The following NEB variants were observed in gnomAD, a reference collection of about 807,000 sequenced individuals.
The protein encoded by NEB is nebulin.
In NEB, 512 loss-of-function variants were observed where a neutral mutation model predicts 952.2. That is an observed-to-expected ratio of 0.54 (90% CI 0.50 to 0.58). NEB has a LOEUF of 0.58. Among genes scored for constraint, NEB ranks in the 20% least tolerant of loss-of-function variants. The probability of loss-of-function intolerance (pLI) is 0.00; values close to 1 mark genes in which losing one functional copy is unlikely to be tolerated. For missense variants in NEB, 8,428 were observed against 9,231.1 expected (o/e 0.91, Z 3.56); for synonymous variants, 2,900 against 3,149.8 (o/e 0.92, Z 2.66).
intron 28 of NEB, 147 bp from the exon 29 acceptor site, chr2:151,682,916 G>T (rs2148748016): frequency 3.0e-6 from 2 of 658,824 alleles, no homozygotes; most frequent in Non-Finnish European, 5.0e-6. Context: ...TATTTCTTTG[G>T]TGAGATATAG....
chr2:151,657,812 T>C (rs1207817957), intron 48 of NEB, among the ~76,000 whole-genome samples, 171 bp downstream of exon 48: 1 of 152,192 alleles, frequency 6.6e-6, no homozygotes, highest in Non-Finnish European at 1.5e-5. Context: ...GTTAGCTTGG[T>C]GTTTTTTCAG....
chr2:151,679,678 C>A, intron 32 of NEB, 43 bp downstream of exon 32: 1 of 879,324 alleles, frequency 1.1e-6, no homozygotes, highest in South Asian at 1.4e-5. Flanking sequence ...GCCCACCCAC[C>A]CACATTTTCT....
chr2:151,724,136 C>G lies in NEB; in HGVS notation c.612+124G>C, dbSNP rs918207499. 2.1e-5 allele frequency: 16 copies of G among 774,496 alleles called. No individual in the cohort carries two copies. In the East Asian group the frequency reaches 2.8e-4, roughly 14 times the overall value. 48.0% of individuals were successfully genotyped at this position (774,496 alleles called of 1,614,324 possible). The stretch of plus-strand genomic sequence containing the variant: ...CCTATCCCTGCAGTCTCACATGTCT[C>G]AAGGCTACTCATAAAAAGATTGGGG... On this transcript the variant is annotated intron_variant, in intron 8 of 181. Transcript: ENST00000397345.
chr2:151,725,926 A>T (rs1018199682), intron 5 of NEB, among the ~76,000 whole-genome samples: 1 of 152,226 alleles, frequency 6.6e-6, no homozygotes, highest in Non-Finnish European at 1.5e-5. Flanking sequence ...GAGTGCTAAT[A>T]CAATGCAAAA....
Position 151,672,388 on chromosome 2 carries a change from A to T in NEB, c.4280T>A (p.Val1427Asp). The T allele has an allele frequency of 6.2e-7, 1 of 1,600,794 alleles. No homozygotes were observed. Among genetic ancestry groups the T allele is most frequent in the Non-Finnish European group, 8.5e-7 (1 of 1,170,622 alleles). The change falls in exon 37 of 182, where the codon GTC (valine) becomes GAC (aspartate). Residue 1427 changes from valine to aspartate, a missense_variant. Physicochemically the swap from Val to Asp is radical, Grantham distance 152. Coordinates refer to ENST00000397345, the MANE Select transcript of NEB (RefSeq NM_001164508.2). ...DAMSLEHTRN[V>D]NQIQSDNVYK... The stretch of plus-strand genomic sequence containing the variant: ...ACTTACATCACTCTGAATTTGATTG[A>T]CATTCCTCGTATGCTCAAGACTCAT...
chr2:151,525,329 T>G, intron 150 of NEB, 56 bp from the exon 151 acceptor site: 1 of 1,295,554 alleles, frequency 7.7e-7, no homozygotes, highest in Non-Finnish European at 1.1e-6. Context: ...CAGAGTTGGT[T>G]TACTTGAAGA....
intron 168 of NEB, 110 bp downstream of exon 168, chr2:151,501,279 TAA>T: frequency 1.4e-6 from 1 of 707,312 alleles, no homozygotes; most frequent in Non-Finnish European, 2.4e-6. Context: ...TTGATGTGAT[TAA>T]AAAAAGATTT....
At chr2:151,576,115 CATT>C in intron 106 of NEB, 33 bp downstream of exon 106, 1 of 1,448,466 alleles carries the variant, frequency 6.9e-7, no homozygotes, top group Non-Finnish European at 9.5e-7. Context: ...CTATTTATGG[CATT>C]AATTCAATTT....
In NEB at chr2:151,576,215, T is replaced by C. The variant is rs749504940; in HGVS notation, c.16844A>G (p.Tyr5615Cys). ...TTCAGGTGTGTCAACAATGCTTGTG[T>C]ACTTAAGGTTCACCACAGGCGTCCG... ...VYRTPVVNLK[Y>C]TSIVDTPEVV... The change falls in exon 106 of 182, where the codon TAC becomes TGC. Residue 5615 changes from tyrosine to cysteine, a missense_variant. Tyr to Cys is a radical substitution (Grantham distance 194). Around this residue, in one of 11 missense-constraint regions of NEB, gnomAD observed 3,374 missense variants for 3,651.5 expected, o/e 0.92. Transcript: ENST00000397345. The C allele has an allele frequency of 6.2e-7, 1 of 1,611,466 alleles. No individual in the cohort carries two copies. The highest frequency in any genetic ancestry group is 8.5e-7 in the Non-Finnish European group (1 of 1,178,132).
chr2:151,552,458 G>A (rs971177664), intron 128 of NEB, among the ~76,000 whole-genome samples: 1 of 152,072 alleles, frequency 6.6e-6, no homozygotes, highest in African/African-American at 2.4e-5. Context: ...TCATAGACTC[G>A]CATCACCTAC....
Position 151,671,006 on chromosome 2 carries a change from G to T in NEB, c.4506+17C>A. ...TGGTTATTTACGGGCAAATCATTTT[G>T]AAAGGAAAGCACTCACATCACTTAG... On this transcript the variant is annotated intron_variant, in intron 38 of 181. Transcript: ENST00000397345. The T allele has an allele frequency of 6.2e-7, 1 of 1,607,510 alleles. No individual in the cohort carries two copies.
At position 151,716,101 on chromosome 2, in the gene NEB, G is replaced by A. The variant is rs558035288; in HGVS notation, c.822+1315C>T. On this transcript the variant is annotated intron_variant, in intron 10 of 181. Transcript: ENST00000397345. ...CAAAAAGATAAATTGTCCTTCTCCCGTCTTATTTACAATATCAACACTTTC... is the reference window on the plus strand; with the variant it reads ...CAAAAAGATAAATTGTCCTTCTCCCATCTTATTTACAATATCAACACTTTC... The A allele has an allele frequency of 2.4e-4, 96 of 405,954 alleles. 1 individual carries two copies. The highest frequency in any genetic ancestry group is 2.3e-4 in the East Asian group (3 of 12,800). 25.1% of individuals were successfully genotyped at this position (405,954 alleles called of 1,614,324 possible).
intron 3 of NEB, among the ~76,000 whole-genome samples, chr2:151,731,567 T>C (rs1348650443): frequency 6.6e-6 from 1 of 152,200 alleles, no homozygotes; most frequent in Non-Finnish European, 1.5e-5. Context: ...CAATACTTTC[T>C]GGCAGGCAGT....
intron 39 of NEB, 144 bp downstream of exon 39, chr2:151,668,883 C>G: frequency 1.8e-6 from 1 of 569,844 alleles, no homozygotes; most frequent in Non-Finnish European, 3.0e-6. Flanking sequence ...GCCCCCTAGG[C>G]TCATGTTGCA....
In NEB at chr2:151,606,511, G is replaced by A; in HGVS notation, c.12747+95C>T. 3.4e-6 allele frequency: 2 copies of A among 587,894 alleles called. 1 individual carries two copies. The highest frequency in any genetic ancestry group is 5.7e-6 in the Non-Finnish European group (2 of 349,420). The allele number at this position is 587,894 out of a possible 1,614,324, so 36.4% of individuals were successfully genotyped here. A position where few individuals can be genotyped will look rare whatever the true frequency, so the allele number is the denominator to read the frequency against. Reference sequence around the variant, plus strand: ...TAGCACAGGATGAGATGAATTCTATGCACAGATTTTTTAAAAACACAAAAT... The same window carrying A: ...TAGCACAGGATGAGATGAATTCTATACACAGATTTTTTAAAAACACAAAAT... On this transcript the variant is annotated intron_variant, in intron 84 of 181. Transcript: ENST00000397345.
At chr2:151,560,148 T>A (rs1332885552) in intron 124 of NEB, among the ~76,000 whole-genome samples, 1 of 152,228 alleles carries the variant, frequency 6.6e-6, no homozygotes, top group African/African-American at 2.4e-5. Flanking sequence ...AAACAATTTT[T>A]AAATGTTTTC....
chr2:151,489,985 G>T lies in NEB; in HGVS notation c.25390C>A (p.Pro8464Thr), dbSNP rs376984481. Residue 8464 changes from proline to threonine, a missense_variant, in exon 181 of 182, where the codon CCA becomes ACA. Around this residue, in one of 11 missense-constraint regions of NEB, gnomAD observed 3,374 missense variants for 3,651.5 expected, o/e 0.92. Coordinates refer to ENST00000397345, the MANE Select transcript of NEB (RefSeq NM_001164508.2). ...QTTVSSIPSH[P>T]STAGKIFRAM... ...TATTCACTTACTCCAGCAGTAGATGGATGAGATGGGATGGAAGATACCGTT... is the reference window on the plus strand; with the variant it reads ...TATTCACTTACTCCAGCAGTAGATGTATGAGATGGGATGGAAGATACCGTT... The T allele has an allele frequency of 1.8e-5, 29 of 1,600,522 alleles. No individual in the cohort carries two copies. In the South Asian group the frequency reaches 3.1e-4, roughly 17 times the overall value.
At position 151,533,466 on chromosome 2, in the gene NEB, G is replaced by A. The variant is rs760537153; in HGVS notation, c.21393C>T (p.Leu7131=). 8 of 1,551,182 alleles carry A rather than the reference G, an allele frequency of 5.2e-6. No homozygotes were observed. Among genetic ancestry groups the A allele is most frequent in the African/African-American group, 2.7e-5 (2 of 73,032 alleles). The part of the protein sequence containing the change: ...EILRPDMLTA[L]YNSHMWSQIK... ...CCTGGCTCCACATATGCGAATTGTAGAGAGCAGTCAACATATCTGGACGCA... is the reference window on the plus strand; with the variant it reads ...CCTGGCTCCACATATGCGAATTGTAAAGAGCAGTCAACATATCTGGACGCA... Residue 7131 remains leucine, a synonymous_variant, in exon 143 of 182, where the codon CTC becomes CTT. Transcript: ENST00000397345.
chr2:151,570,888 T>C (rs1163337180), intron 107 of NEB, among the ~76,000 whole-genome samples: 2 of 152,224 alleles, frequency 1.3e-5, no homozygotes, highest in East Asian at 1.9e-4. Context: ...TACATATTTA[T>C]AGGGTGCATG....
Sources: gnomAD v4.1 joint callset for allele counts (sites outside exome capture counted in the v4.1 genomes callset) on GRCh38, gnomAD v4.1.1 for gene constraint, gnomAD v4.1.1 regional missense constraint, MANE v1.5 for transcripts, NCBI Gene and HGNC (gene_info 2026-07-23, HGNC 2026-07-21) for gene names.